Variants in AHCTF1 observed in about 807,000 individuals in gnomAD.
The protein encoded by AHCTF1 is protein ELYS.
Under a neutral mutation model 248.4 loss-of-function variants are expected in AHCTF1, and 24 were observed. The observed-to-expected ratio is 0.10, with a 90% CI of 0.07 to 0.14. The LOEUF is 0.14. Among genes scored for constraint, AHCTF1 ranks in the 10% least tolerant of loss-of-function variants. AHCTF1 has a pLI of 1.00. For synonymous variants in AHCTF1, 786 were observed against 929.8 expected, an observed-to-expected ratio of 0.85 and a Z score of 2.81; for missense variants, 2,206 against 2,636.2, an observed-to-expected ratio of 0.84 and a Z score of 3.57.
intron 14 of AHCTF1, among the ~76,000 whole-genome samples, chr1:246,892,810 AT>A (rs11436581): frequency 2.7e-5 from 4 of 150,528 alleles, no homozygotes; most frequent in Non-Finnish European, 5.9e-5. Flanking sequence ...TAAAAAAAAG[AT>A]TTTTTTTTGG....
chr1:246,907,494 C>G, intron 5 of AHCTF1, 57 bp downstream of exon 5: 1 of 1,466,548 alleles, frequency 6.8e-7, no homozygotes, highest in Non-Finnish European at 9.4e-7. Context: ...TAAATGAGTA[C>G]AAGCTATATG....
chr1:246,852,363 ATAAT>A (rs1443346866), intron 32 of AHCTF1, among the ~76,000 whole-genome samples: 2 of 94,486 alleles, frequency 2.1e-5, no homozygotes, highest in African/African-American at 6.3e-5. Context: ...ATTTCTATAA[ATAAT>A]TAGAAGAGTT....
intron 13 of AHCTF1, among the ~76,000 whole-genome samples, 199 bp downstream of exon 13, chr1:246,895,636 T>A (rs1041461787): frequency 1.3e-5 from 2 of 152,192 alleles, no homozygotes; most frequent in Non-Finnish European, 2.9e-5. Context: ...CTGGTGGTGC[T>A]GACTGTACTA....
intron 14 of AHCTF1, among the ~76,000 whole-genome samples, chr1:246,894,047 TACA>T (rs1188580715): frequency 1.3e-5 from 2 of 151,700 alleles, no homozygotes; most frequent in South Asian, 2.1e-4. Flanking sequence ...CTACAAAAAA[TACA>T]ACAATTAGCT....
At chr1:246,904,721 TAA>T (rs1665262037) in intron 6 of AHCTF1, among the ~76,000 whole-genome samples, 1 of 152,226 alleles carries the variant, frequency 6.6e-6, no homozygotes, top group Non-Finnish European at 1.5e-5. Context: ...CAGTAAGTGT[TAA>T]GAGCATAGAT....
At chr1:246,922,636 C>T (rs946438472) in intron 1 of AHCTF1, among the ~76,000 whole-genome samples, 1 of 151,544 alleles carries the variant, frequency 6.6e-6, no homozygotes, top group African/African-American at 2.4e-5. Context: ...TCCAGCAATC[C>T]TCCTGCCTCG....
intron 7 of AHCTF1, 133 bp from the exon 8 acceptor site, chr1:246,902,808 T>C (rs1400633360): frequency 1.8e-5 from 15 of 833,206 alleles, no homozygotes; most frequent in South Asian, 1.1e-4. Flanking sequence ...GAACCAATCA[T>C]GGAAAAAGGC....
At chr1:246,847,631 C>CT (rs1407553061) in intron 33 of AHCTF1, among the ~76,000 whole-genome samples, 2 of 152,184 alleles carry the variant, frequency 1.3e-5, no homozygotes, top group Non-Finnish European at 2.9e-5. Context: ...TCCCAAGTAG[C>CT]TGGGACCACA....
At chr1:246,914,680 G>T (rs755148487) in intron 3 of AHCTF1, among the ~76,000 whole-genome samples, 3 of 152,004 alleles carry the variant, frequency 2.0e-5, no homozygotes, top group Non-Finnish European at 2.9e-5. Flanking sequence ...AGTGTATACT[G>T]CACCCTACCC....
intron 1 of AHCTF1, among the ~76,000 whole-genome samples, chr1:246,926,010 T>A (rs1230081290): frequency 1.4e-5 from 2 of 140,068 alleles, no homozygotes; most frequent in Non-Finnish European, 3.0e-5. Context: ...ACTGCACCAA[T>A]GAATTCTAGC....
At chr1:246,892,662 C>T (rs1664296583) in intron 14 of AHCTF1, among the ~76,000 whole-genome samples, 2 of 151,776 alleles carry the variant, frequency 1.3e-5, no homozygotes, top group Admixed American at 1.3e-4. Context: ...GATAGGGTCT[C>T]ACTCTGTCAC....
intron 13 of AHCTF1, among the ~76,000 whole-genome samples, chr1:246,895,594 T>G (rs1664516718): frequency 6.6e-6 from 1 of 151,970 alleles, no homozygotes. Context: ...AGAAAGAAGG[T>G]AGGTATGGCT....
chr1:246,892,453 T>C (rs1664278062), intron 14 of AHCTF1, among the ~76,000 whole-genome samples: 1 of 151,922 alleles, frequency 6.6e-6, no homozygotes, highest in Non-Finnish European at 1.5e-5. Flanking sequence ...CCTGAGTAGC[T>C]GGGATTACAG....
At chr1:246,919,434 C>T (rs1666364870) in intron 1 of AHCTF1, among the ~76,000 whole-genome samples, 2 of 152,128 alleles carry the variant, frequency 1.3e-5, no homozygotes, top group Admixed American at 1.3e-4. Context: ...CCTCAAGAGG[C>T]CGGGCGTGGT....
chr1:246,857,641 T>G, intron 30 of AHCTF1, 50 bp downstream of exon 30: 1 of 1,544,278 alleles, frequency 6.5e-7, no homozygotes, highest in Middle Eastern at 2.4e-4. Flanking sequence ...GGTTCATAAT[T>G]TCATTAAACT....
At chr1:246,931,512 C>T in intron 1 of AHCTF1, 66 bp downstream of exon 1, 4 of 429,104 alleles carry the variant, frequency 9.3e-6, no homozygotes, top group Non-Finnish European at 1.2e-5. Context: ...GCCGCCGCCG[C>T]GGGTCCAGGC....
chr1:246,904,580 G>T (rs1313169415), intron 6 of AHCTF1, among the ~76,000 whole-genome samples: 2 of 152,162 alleles, frequency 1.3e-5, no homozygotes, highest in African/African-American at 2.4e-5. Flanking sequence ...GAAGGAGAAC[G>T]GGCAGTTGGG....
chr1:246,839,492 T>C lies in AHCTF1; in HGVS notation c.*1314A>G, dbSNP rs1386099706. The C allele has an allele frequency of 2.0e-6, 2 of 982,258 alleles. No homozygotes were observed. The highest frequency in any genetic ancestry group is 2.4e-6 in the Non-Finnish European group (2 of 826,898). 60.8% of individuals were successfully genotyped at this position (982,258 alleles called of 1,614,324 possible). A position where few individuals can be genotyped will look rare whatever the true frequency, so the allele number is the denominator to read the frequency against. On this transcript the variant is annotated 3_prime_UTR_variant, in exon 36 of 36. Transcript: ENST00000648844. The stretch of plus-strand genomic sequence containing the variant: ...AAAAAAGTAATAAAATCAAAGTCAG[T>C]GAAATTTTCAACAAGGCAGCGTAAC...
At chr1:246,877,429 T>A (rs940800835) in intron 21 of AHCTF1, 127 bp from the exon 22 acceptor site, 2 of 1,071,022 alleles carry the variant, frequency 1.9e-6, no homozygotes, top group Non-Finnish European at 1.3e-6. Flanking sequence ...AAAAGTACTT[T>A]AAAAATTTGT....
Sources: allele counts gnomAD v4.1 joint callset (sites outside exome capture counted in the v4.1 genomes callset), GRCh38; gene constraint gnomAD v4.1.1; transcripts MANE v1.5; gene names NCBI Gene and HGNC (gene_info 2026-07-23, HGNC 2026-07-21).